The following ZNF383 variants were observed in gnomAD, a reference collection of about 807,000 sequenced individuals.
ZNF383 encodes zinc finger protein 383.
In ZNF383, 32 loss-of-function variants were observed where a neutral mutation model predicts 44.2. The ratio of observed to expected loss-of-function variants is 0.72; its 90% CI spans 0.55 to 0.97. The LOEUF is 0.97. ZNF383 is among the 50% of genes least tolerant of loss of function. The pLI, the probability that ZNF383 is intolerant of heterozygous loss-of-function variation, is 0.00. For missense variants in ZNF383, 487 were observed against 562.5 expected (o/e 0.87, Z 1.36); for synonymous variants, 155 against 186.2 (o/e 0.83, Z 1.36).
intron 5 of ZNF383, among the ~76,000 whole-genome samples, chr19:37,241,450 C>A (rs1455357909): frequency 2.0e-5 from 3 of 152,090 alleles, no homozygotes; most frequent in African/African-American, 7.2e-5. Context: ...GTTTCCATGC[C>A]CTCTCCCTGT....
At chr19:37,227,843 T>A (rs528137129) in intron 2 of ZNF383, 1 of 152,356 alleles carries the variant, frequency 6.6e-6, no homozygotes, top group Admixed American at 6.5e-5. Flanking sequence ...CATAATTTTT[T>A]AAATGTATTT....
At chr19:37,233,333 G>T (rs920450300) in intron 3 of ZNF383, among the ~76,000 whole-genome samples, 2 of 151,614 alleles carry the variant, frequency 1.3e-5, no homozygotes, top group African/African-American at 4.9e-5. Context: ...GGGTTTCACT[G>T]TGTTAGCCAG....
chr19:37,226,397 C>T (rs1568521301), intron 2 of ZNF383: 1 of 152,186 alleles, frequency 6.6e-6, no homozygotes, highest in Non-Finnish European at 1.5e-5. Context: ...TGGTGTTACA[C>T]ATCCAGGGGT....
intron 3 of ZNF383, among the ~76,000 whole-genome samples, chr19:37,235,097 A>C (rs1040829082): frequency 5.9e-5 from 9 of 152,030 alleles, no homozygotes; most frequent in African/African-American, 1.9e-4. Context: ...ACATGGTGAA[A>C]CCCTGTCTCT....
At chr19:37,233,059 T>C (rs772545528) in intron 3 of ZNF383, among the ~76,000 whole-genome samples, 1 of 152,204 alleles carries the variant, frequency 6.6e-6, no homozygotes, top group Admixed American at 6.6e-5. Flanking sequence ...CACACTTGCA[T>C]ACAGTCCCCT....
chr19:37,234,659 G>A (rs1486518546), intron 3 of ZNF383, among the ~76,000 whole-genome samples: 2 of 152,056 alleles, frequency 1.3e-5, no homozygotes, highest in Non-Finnish European at 2.9e-5. Flanking sequence ...CAAAATGCTG[G>A]GATTACAGGC....
Position 37,245,104 on chromosome 19 carries a change from A to AAC in ZNF383, c.*1442_*1443dup, listed in dbSNP as rs1446852360. ...TCTGAAGATTAAGGCCATCCTGGCT[A>AAC]ACAGTGAAACCCCGTCTCTACTTAG... On this transcript the variant is annotated 3_prime_UTR_variant, in exon 6 of 6. Transcript: ENST00000684119. 6.6e-6 allele frequency: 1 copy of AAC among 152,158 alleles called. No homozygotes were observed. The highest frequency in any genetic ancestry group is 6.5e-5 in the Admixed American group (1 of 15,284). The allele number at this position is 152,158 out of a possible 1,614,324, so 9.4% of individuals were successfully genotyped here.
chr19:37,239,596 C>T (rs1303334341), intron 5 of ZNF383, among the ~76,000 whole-genome samples: 1 of 152,044 alleles, frequency 6.6e-6, no homozygotes, highest in Non-Finnish European at 1.5e-5. Context: ...GAGTGTGAGT[C>T]AGGGTTTGGA....
At chr19:37,240,877 G>A (rs535796050) in intron 5 of ZNF383, among the ~76,000 whole-genome samples, 4 of 152,148 alleles carry the variant, frequency 2.6e-5, no homozygotes, top group Non-Finnish European at 5.9e-5. Context: ...TGCGATCTCA[G>A]CTCACGGCAG....
chr19:37,242,104 A>G (rs200398814), intron 5 of ZNF383, among the ~76,000 whole-genome samples: 1 of 6,108 alleles, frequency 1.6e-4, no homozygotes, highest in Non-Finnish European at 4.6e-4. Context: ...TATATATAGT[A>G]TAGTATCTAT....
In ZNF383 at chr19:37,243,721, T is replaced by A; in HGVS notation, c.*57T>A. 8.5e-7 allele frequency: 1 copy of A among 1,179,340 alleles called. No homozygotes were observed. Among genetic ancestry groups the A allele is most frequent in the Non-Finnish European group, 1.2e-6 (1 of 852,320 alleles). 73.1% of individuals were successfully genotyped at this position (1,179,340 alleles called of 1,614,324 possible). A position where few individuals can be genotyped will look rare whatever the true frequency, so the allele number is the denominator to read the frequency against. On this transcript the variant is annotated 3_prime_UTR_variant, in exon 6 of 6. Coordinates refer to ENST00000684119, the MANE Select transcript of ZNF383 (RefSeq NM_001387601.1). Reference sequence around the variant, plus strand: ...ATTTTAAACCAAAAATCATGTCTAATAGTTACCCTCTTCCGTAGTTTTTTT... The same window carrying A: ...ATTTTAAACCAAAAATCATGTCTAAAAGTTACCCTCTTCCGTAGTTTTTTT...
In ZNF383 at chr19:37,224,499, A is replaced by C. The variant is rs920943413; in HGVS notation, c.-167-319A>C. On this transcript the variant is annotated intron_variant, in intron 1 of 5. Transcript: ENST00000684119. ...ATTGGAATCTGAGCCACTGATCATTATACTGGGTCCCTTTTTATACTTCAT... is the reference window on the plus strand; with the variant it reads ...ATTGGAATCTGAGCCACTGATCATTCTACTGGGTCCCTTTTTATACTTCAT... Among the ~76,000 whole-genome samples, 8 of 152,264 alleles carry C rather than the reference A, an allele frequency of 5.3e-5. No homozygotes were observed. The East Asian group carries it at 1.5e-3, about 29-fold the overall frequency.
chr19:37,221,645 G>T (rs1178472427), intron 1 of ZNF383, among the ~76,000 whole-genome samples: 1 of 150,082 alleles, frequency 6.7e-6, no homozygotes, highest in East Asian at 2.0e-4. Context: ...CTGATGACTT[G>T]TATAAAAGTG....
rs1974183538 is a variant in ZNF383, at chr19:37,242,784, C to A, written c.548C>A (p.Ser183Ter). The stretch of plus-strand genomic sequence containing the variant: ...TGTGGAAAGGCCTTTAGTCAGAACT[C>A]ACAATTTATTCAACATCAGAGAATT... The part of the protein sequence containing the change: ...KKCGKAFSQN[S>*]QFIQHQRIHI... The change falls in exon 6 of 6, where the codon TCA becomes TAA. Residue 183 changes from serine (S) to a stop codon, truncating the protein, a stop_gained. Transcript: ENST00000684119. LOFTEE classifies it high-confidence loss of function. The A allele has an allele frequency of 6.2e-7, 1 of 1,614,142 alleles. No individual in the cohort carries two copies.
intron 1 of ZNF383, among the ~76,000 whole-genome samples, chr19:37,224,325 T>C (rs888041028): frequency 3.9e-5 from 6 of 152,176 alleles, no homozygotes; most frequent in African/African-American, 1.2e-4. Flanking sequence ...AATAAATCTC[T>C]AACAAAACTT....
At chr19:37,233,170 G>T (rs1028980097) in intron 3 of ZNF383, among the ~76,000 whole-genome samples, 125 of 151,798 alleles carry the variant, frequency 8.2e-4, no homozygotes, top group Non-Finnish European at 3.2e-4. Flanking sequence ...TTGCTCTGTC[G>T]CCCAGGCTGG....
intron 2 of ZNF383, among the ~76,000 whole-genome samples, chr19:37,225,626 G>T (rs1157868046): frequency 6.6e-6 from 1 of 151,748 alleles, no homozygotes; most frequent in Non-Finnish European, 1.5e-5. Flanking sequence ...TTTGTGACTG[G>T]CTTCTTTCCA....
rs1020543222 is a variant in ZNF383 at position 37,247,018 on chromosome 19, G to A, written c.*3354G>A. ...CAATATTCCCTCTTAATTAACATGG[G>A]TTAAGGAATAAATCCCTAATATATA... is the stretch of plus-strand genomic sequence containing the variant. On this transcript the variant is annotated 3_prime_UTR_variant, in exon 6 of 6. Coordinates refer to ENST00000684119, the MANE Select transcript of ZNF383 (RefSeq NM_001387601.1). The A allele has an allele frequency of 6.6e-6, 1 of 152,000 alleles. No homozygotes were observed. Among genetic ancestry groups the A allele is most frequent in the Admixed American group, 6.6e-5 (1 of 15,264 alleles). 9.4% of individuals were successfully genotyped at this position (152,000 alleles called of 1,614,324 possible).
intron 2 of ZNF383, among the ~76,000 whole-genome samples, chr19:37,229,295 C>T (rs1298481891): frequency 6.7e-6 from 1 of 150,368 alleles, no homozygotes; most frequent in Non-Finnish European, 1.5e-5. Flanking sequence ...GCTAAGATTA[C>T]GGGCATGTGT....
Sources: allele counts gnomAD v4.1 joint callset (sites outside exome capture counted in the v4.1 genomes callset), GRCh38; gene constraint gnomAD v4.1.1; transcripts MANE v1.5; gene names NCBI Gene and HGNC (gene_info 2026-07-23, HGNC 2026-07-21).